NIPA2: variants seen among roughly 807,000 people sequenced by gnomAD.
The protein encoded by NIPA2 is NIPA magnesium transporter 2, also known as magnesium transporter NIPA2.
NIPA2 carries 11 observed loss-of-function variants against 29.7 expected under a neutral mutation model. The ratio of observed to expected loss-of-function variants is 0.37; its 90% CI spans 0.23 to 0.61. The LOEUF is 0.61. NIPA2 is among the 20% of genes least tolerant of loss of function. The pLI, the probability that NIPA2 is intolerant of heterozygous loss-of-function variation, is 0.66. For synonymous variants in NIPA2, 183 were observed against 161.9 expected (o/e 1.13, Z -0.99); for missense variants, 426 against 437.9 (o/e 0.97, Z 0.24).
At chr15:22,853,568 G>T (rs1038013669) in intron 5 of NIPA2, among the ~76,000 whole-genome samples, 3 of 151,804 alleles carry the variant, frequency 2.0e-5, no homozygotes, top group African/African-American at 7.3e-5. Context: ...TAGAGACGGG[G>T]TTTCACTGTG....
chr15:22,847,978 A>G (rs1301413937), intron 3 of NIPA2, among the ~76,000 whole-genome samples: 6 of 150,666 alleles, frequency 4.0e-5, no homozygotes, highest in Non-Finnish European at 3.0e-5. Flanking sequence ...TTGTATTTTT[A>G]GTAGAGACGG....
At chr15:22,862,372 C>T (rs779463561) in intron 7 of NIPA2, among the ~76,000 whole-genome samples, 1 of 152,072 alleles carries the variant, frequency 6.6e-6, no homozygotes, top group Non-Finnish European at 1.5e-5. Context: ...ATGTCTGACT[C>T]TTGGGAACTG....
chr15:22,856,325 G>A (rs763351138), intron 5 of NIPA2, among the ~76,000 whole-genome samples: 1 of 151,512 alleles, frequency 6.6e-6, no homozygotes, highest in African/African-American at 2.4e-5. Context: ...AATTTCTAGA[G>A]TATTCAGTTA....
rs201538213 is a variant in NIPA2 at position 22,866,764 on chromosome 15, A to G, written c.1000A>G (p.Asn334Asp). 1 of 1,613,388 alleles carries G rather than the reference A, an allele frequency of 6.2e-7. No homozygotes were observed. Among genetic ancestry groups the G allele is most frequent in the South Asian group, 1.1e-5 (1 of 91,036 alleles). Residue 334 changes from asparagine to aspartate, a missense_variant, in exon 8 of 8, where the codon AAT becomes GAT. By Grantham distance (23) the Asn-to-Asp change is conservative. Around this residue, in one of 3 missense-constraint regions of NIPA2, gnomAD observed 357 missense variants for 339.8 expected, o/e 1.05. Transcript: ENST00000337451. ...LSNMYEVLNN[N>D]EESLTCGIEQ... ...TAATATGTATGAAGTTCTTAATAAT[A>G]ATGAAGAAAGCTTAACCTGTGGAAT...
chr15:22,843,705 C>T (rs529227521), intron 2 of NIPA2, among the ~76,000 whole-genome samples: 9 of 151,188 alleles, frequency 6.0e-5, no homozygotes, highest in Non-Finnish European at 1.0e-4. Context: ...GGCTGGAGTG[C>T]AGTGGTGCAA....
At chr15:22,854,206 C>T (rs2058009726) in intron 5 of NIPA2, among the ~76,000 whole-genome samples, 3 of 151,792 alleles carry the variant, frequency 2.0e-5, no homozygotes. Context: ...TGGCTCACTG[C>T]AACCTCTGCC....
intron 1 of NIPA2, 197 bp downstream of exon 1, chr15:22,839,118 T>C (rs1896311982): frequency 6.6e-6 from 1 of 152,210 alleles, no homozygotes; most frequent in South Asian, 2.1e-4. Flanking sequence ...CCTGGCTCGT[T>C]GGCCATGTCG....
rs2059255251 is a variant in NIPA2 at position 22,868,021 on chromosome 15, G to GTGT, written c.*1176_*1178dup. On this transcript the variant is annotated 3_prime_UTR_variant, in exon 8 of 8. Transcript: ENST00000337451. ...TTTCCACCTAGGTGATGGGAAGAAA[G>GTGT]TGTTCGCCTGTTCCAGCCTGTGGCT... is the stretch of plus-strand genomic sequence containing the variant. 1.3e-5 allele frequency: 2 copies of GTGT among 152,248 alleles called. No homozygotes were observed. The highest frequency in any genetic ancestry group is 2.4e-5 in the African/African-American group (1 of 41,452). 9.4% of individuals were successfully genotyped at this position (152,248 alleles called of 1,614,324 possible).
chr15:22,868,047 C>G lies in NIPA2; in HGVS notation c.*1200C>G, dbSNP rs941708967. The G allele has an allele frequency of 3.3e-5, 5 of 152,248 alleles. No individual in the cohort carries two copies. Among genetic ancestry groups the G allele is most frequent in the African/African-American group, 9.6e-5 (4 of 41,468 alleles). The allele number at this position is 152,248 out of a possible 1,614,324, so 9.4% of individuals were successfully genotyped here. On this transcript the variant is annotated 3_prime_UTR_variant, in exon 8 of 8. Coordinates refer to ENST00000337451, the MANE Select transcript of NIPA2 (RefSeq NM_030922.7). Reference sequence around the variant, plus strand: ...TGTTCGCCTGTTCCAGCCTGTGGCTCCTGCCTGGAGGTTACCCAGTGGTGC... The same window carrying G: ...TGTTCGCCTGTTCCAGCCTGTGGCTGCTGCCTGGAGGTTACCCAGTGGTGC...
chr15:22,861,220 G>A (rs117124202), intron 7 of NIPA2, among the ~76,000 whole-genome samples: 1,712 of 152,188 alleles, frequency 0.011, 19 homozygotes, highest in Non-Finnish European at 0.018. Context: ...AATGTATCAT[G>A]AAACTCTTCC....
chr15:22,850,269 A>G (rs1026486714), intron 3 of NIPA2, among the ~76,000 whole-genome samples: 5 of 152,016 alleles, frequency 3.3e-5, no homozygotes, highest in African/African-American at 9.7e-5. Flanking sequence ...TGATCAGGAC[A>G]TGCACTTCCT....
At chr15:22,858,756 C>T (rs2058393780) in intron 6 of NIPA2, 126 bp downstream of exon 6, 2 of 528,420 alleles carry the variant, frequency 3.8e-6, no homozygotes, top group Non-Finnish European at 6.5e-6. Context: ...TCGCTTTTTA[C>T]ACTACGTAGT....
rs1232752274 is a variant in NIPA2 at position 22,866,769 on chromosome 15, A to G, written c.1005A>G (p.Glu335=). 42 of 1,611,570 alleles carry G rather than the reference A, an allele frequency of 2.6e-5. No individual in the cohort carries two copies. Among genetic ancestry groups the G allele is most frequent in the Non-Finnish European group, 3.6e-5 (42 of 1,177,848 alleles). Reference sequence around the variant, plus strand: ...TGTATGAAGTTCTTAATAATAATGAAGAAAGCTTAACCTGTGGAATCGAAC... The same window carrying G: ...TGTATGAAGTTCTTAATAATAATGAGGAAAGCTTAACCTGTGGAATCGAAC... ...SNMYEVLNNN[E]ESLTCGIEQH... The change falls in exon 8 of 8, where the codon GAA becomes GAG. Residue 335 remains glutamate, a synonymous_variant. Coordinates refer to ENST00000337451, the MANE Select transcript of NIPA2 (RefSeq NM_030922.7).
chr15:22,847,464 A>G (rs1172734303), intron 3 of NIPA2, among the ~76,000 whole-genome samples: 1 of 150,274 alleles, frequency 6.7e-6, no homozygotes, highest in African/African-American at 2.5e-5. Context: ...GAGGATGATG[A>G]TTCTTTTTTT....
intron 2 of NIPA2, among the ~76,000 whole-genome samples, chr15:22,841,798 C>T (rs751166093): frequency 8.5e-5 from 13 of 152,170 alleles, no homozygotes; most frequent in Non-Finnish European, 1.3e-4. Context: ...TGAGCCACCG[C>T]GCCCGGCCGG....
chr15:22,846,883 G>GT (rs1898872182), intron 3 of NIPA2, among the ~76,000 whole-genome samples: 1 of 143,540 alleles, frequency 7.0e-6, no homozygotes. Context: ...TGAGTCTGTT[G>GT]TTTTTTGTTT....
chr15:22,863,887 T>A (rs2058787832), intron 7 of NIPA2, among the ~76,000 whole-genome samples: 1 of 152,174 alleles, frequency 6.6e-6, no homozygotes, highest in African/African-American at 2.4e-5. Flanking sequence ...TTTGATGCCC[T>A]CAAATAAATG....
rs1198887233 is a variant in NIPA2 at position 22,868,219 on chromosome 15, CTGCCTCCTCCCATGCCATTTTAA to C, written c.*1374_*1396del. On this transcript the variant is annotated 3_prime_UTR_variant, in exon 8 of 8. Coordinates refer to ENST00000337451, the MANE Select transcript of NIPA2 (RefSeq NM_030922.7). ...GAGCTGTTTTAGATGTTTTTTCTAA[CTGCCTCCTCCCATGCCATTTTAA>C]TACTACAGATGTACTACGTATCTGT... 3.3e-5 allele frequency: 5 copies of C among 152,248 alleles called. No individual in the cohort carries two copies. The highest frequency in any genetic ancestry group is 5.9e-5 in the Non-Finnish European group (4 of 68,044). 9.4% of individuals were successfully genotyped at this position (152,248 alleles called of 1,614,324 possible). A position where few individuals can be genotyped will look rare whatever the true frequency, so the allele number is the denominator to read the frequency against.
rs200294876 is a variant in NIPA2, at chr15:22,851,776, A to G, written c.45A>G (p.Gly15=). 6.2e-7 allele frequency: 1 copy of G among 1,613,440 alleles called. No individual in the cohort carries two copies. Among genetic ancestry groups the G allele is most frequent in the African/African-American group, 1.3e-5 (1 of 74,850 alleles). ...AATATGACTTCTATATTGGTCTGGGATTGGCTATGAGCTCCAGCATTTTCA... is the reference window on the plus strand; with the variant it reads ...AATATGACTTCTATATTGGTCTGGGGTTGGCTATGAGCTCCAGCATTTTCA... ...RGKYDFYIGL[G]LAMSSSIFIG... is the part of the protein sequence containing the mutation. The change falls in exon 4 of 8, where the codon GGA becomes GGG. Residue 15 remains glycine (G), a synonymous_variant. Coordinates refer to ENST00000337451, the MANE Select transcript of NIPA2 (RefSeq NM_030922.7).
Sources: allele counts gnomAD v4.1 joint callset (sites outside exome capture counted in the v4.1 genomes callset), GRCh38; gene constraint gnomAD v4.1.1; regional missense constraint gnomAD v4.1.1; transcripts MANE v1.5; gene names NCBI Gene and HGNC (gene_info 2026-07-23, HGNC 2026-07-21).